Variants in DPF3 observed in about 807,000 individuals in gnomAD.
The protein encoded by DPF3 is zinc finger protein DPF3.
A neutral mutation model predicts 56.8 loss-of-function variants in DPF3; 18 were observed. That is an observed-to-expected ratio of 0.32 (90% CI 0.22 to 0.47). The LOEUF (loss-of-function observed/expected upper bound fraction) is 0.47. DPF3 is among the 20% of genes least tolerant of loss of function. The pLI, the probability that DPF3 is intolerant of heterozygous loss-of-function variation, is 1.00. For synonymous variants in DPF3, 188 were observed against 180.2 expected (o/e 1.04, Z -0.35); for missense variants, 403 against 488.8 (o/e 0.82, Z 1.65).
At chr14:72,789,152 A>C (rs1704221975) in intron 1 of DPF3, among the ~76,000 whole-genome samples, 1 of 152,188 alleles carries the variant, frequency 6.6e-6, no homozygotes, top group African/African-American at 2.4e-5. Context: ...TGGGTACTGC[A>C]TCCGTACTGA....
At chr14:72,644,366 A>C (rs1452415015) in intron 8 of DPF3, among the ~76,000 whole-genome samples, 1 of 152,234 alleles carries the variant, frequency 6.6e-6, no homozygotes, top group Non-Finnish European at 1.5e-5. Context: ...CCAAATTTTC[A>C]TCTAAGATTC....
intron 6 of DPF3, among the ~76,000 whole-genome samples, chr14:72,708,744 A>T (rs1010639139): frequency 6.6e-6 from 1 of 152,144 alleles, no homozygotes; most frequent in Non-Finnish European, 1.5e-5. Context: ...CAGTCAGCAG[A>T]TCCACCCATC....
chr14:72,876,471 C>G (rs945832738), intron 1 of DPF3, among the ~76,000 whole-genome samples: 2 of 152,058 alleles, frequency 1.3e-5, no homozygotes, highest in African/African-American at 4.8e-5. Flanking sequence ...ACTGCCAAAC[C>G]GGGACTCTGC....
Position 72,750,821 on chromosome 14 carries a change from G to A in DPF3, c.301+2443C>T, listed in dbSNP as rs989094712. On this transcript the variant is annotated intron_variant, in intron 3 of 10. Coordinates refer to ENST00000556509, the MANE Select transcript of DPF3 (RefSeq NM_001280542.3). The stretch of plus-strand genomic sequence containing the variant: ...AAAAAAAAAAAAAAAAAAAAAACCT[G>A]CTACCACTGATTACCTTTGGAGAGA... Among the ~76,000 whole-genome samples, 4 of 114,308 alleles carry A rather than the reference G, an allele frequency of 3.5e-5. No homozygotes were observed. The South Asian group carries it at 1.1e-3, about 32-fold the overall frequency. The allele number at this position is 114,308 out of a possible 152,430, so 75.0% of individuals were successfully genotyped here.
At chr14:72,692,048 C>T (rs1030760903) in intron 7 of DPF3, among the ~76,000 whole-genome samples, 1 of 152,174 alleles carries the variant, frequency 6.6e-6, no homozygotes, top group Non-Finnish European at 1.5e-5. Context: ...TGGTCTTGGC[C>T]ACAGGTGTGT....
Position 72,869,151 on chromosome 14 carries a change from A to T in DPF3, c.32+24906T>A, listed in dbSNP as rs199881195. Among the ~76,000 whole-genome samples, 3 of 152,292 alleles carry T rather than the reference A, an allele frequency of 2.0e-5. No homozygotes were observed. In the East Asian group the frequency reaches 5.8e-4, roughly 29 times the overall value. ...ACATGCTATTCCCTCTGCTGGGATC[A>T]AATGTTTCCTCTTCAAGGAAATTTT... is the stretch of plus-strand genomic sequence containing the variant. On this transcript the variant is annotated intron_variant, in intron 1 of 10. Transcript: ENST00000556509.
chr14:72,811,019 G>A (rs952961116), intron 1 of DPF3, among the ~76,000 whole-genome samples: 1 of 152,350 alleles, frequency 6.6e-6, no homozygotes, highest in Admixed American at 6.5e-5. Context: ...TGAGGCTTCA[G>A]GAAGCTACAA....
intron 8 of DPF3, among the ~76,000 whole-genome samples, chr14:72,630,203 G>A (rs1419535709): frequency 6.6e-6 from 1 of 152,140 alleles, no homozygotes; most frequent in Non-Finnish European, 1.5e-5. Flanking sequence ...GCTATCAGAA[G>A]GATTGTATGA....
At chr14:72,734,607 A>G (rs1426279581) in intron 3 of DPF3, among the ~76,000 whole-genome samples, 1 of 152,140 alleles carries the variant, frequency 6.6e-6, no homozygotes, top group African/African-American at 2.4e-5. Flanking sequence ...AATAAATCCT[A>G]TTTATTAGTG....
At chr14:72,862,205 AC>A (rs561834174) in intron 1 of DPF3, among the ~76,000 whole-genome samples, 1 of 151,458 alleles carries the variant, frequency 6.6e-6, no homozygotes, top group Non-Finnish European at 1.5e-5. Context: ...CAGTTCCCTA[AC>A]CCCCCCTGCA....
chr14:72,770,400 C>T (rs1891472675), intron 2 of DPF3, among the ~76,000 whole-genome samples: 1 of 152,166 alleles, frequency 6.6e-6, no homozygotes, highest in Admixed American at 6.5e-5. Flanking sequence ...ATGTAGGGTT[C>T]CCATTTGGAT....
chr14:72,838,595 G>T (rs550315295), intron 1 of DPF3, among the ~76,000 whole-genome samples: 2 of 151,934 alleles, frequency 1.3e-5, no homozygotes, highest in Admixed American at 1.3e-4. Context: ...AGTAACTCAC[G>T]CCTGTAATCC....
chr14:72,662,611 C>T (rs1886263414), intron 8 of DPF3: 1 of 985,204 alleles, frequency 1.0e-6, no homozygotes, highest in Non-Finnish European at 1.2e-6. Flanking sequence ...CAAACTGAGG[C>T]CATTCCCAAG....
At chr14:72,746,569 C>T (rs1158011877) in intron 3 of DPF3, among the ~76,000 whole-genome samples, 3 of 152,380 alleles carry the variant, frequency 2.0e-5, no homozygotes, top group Non-Finnish European at 2.9e-5. Flanking sequence ...GTGACAGTCA[C>T]GCATTCCAGC....
intron 9 of DPF3, 23 bp from the exon 10 acceptor site, chr14:72,620,007 C>A: frequency 6.6e-7 from 1 of 1,524,966 alleles, no homozygotes; most frequent in South Asian, 1.2e-5. Flanking sequence ...AGAGTAAGCA[C>A]AGAGGAGGAG....
chr14:72,692,509 G>A (rs530992362), intron 7 of DPF3, among the ~76,000 whole-genome samples: 101 of 152,214 alleles, frequency 6.6e-4, no homozygotes, highest in African/African-American at 1.7e-3. Context: ...CATCCCAAAC[G>A]ACAAATCCAC....
intron 8 of DPF3, 109 bp from the exon 9 acceptor site, chr14:72,629,845 G>T: frequency 1.1e-6 from 1 of 908,284 alleles, no homozygotes; most frequent in Non-Finnish European, 1.7e-6. Context: ...GGGCAGGGTA[G>T]CATGACGTAG....
intron 1 of DPF3, among the ~76,000 whole-genome samples, chr14:72,800,433 G>A (rs1282892676): frequency 6.6e-6 from 1 of 151,914 alleles, no homozygotes; most frequent in Non-Finnish European, 1.5e-5. Flanking sequence ...CGGACACATG[G>A]ATGGATGCAT....
chr14:72,811,809 T>C (rs142577276), intron 1 of DPF3, among the ~76,000 whole-genome samples: 6 of 152,234 alleles, frequency 3.9e-5, no homozygotes, highest in East Asian at 3.9e-4. Context: ...CCATCTCACA[T>C]TGAGATGGGA....
Sources: gnomAD v4.1 joint callset for allele counts (sites outside exome capture counted in the v4.1 genomes callset) on GRCh38, gnomAD v4.1.1 for gene constraint, MANE v1.5 for transcripts, NCBI Gene and HGNC (gene_info 2026-07-23, HGNC 2026-07-21) for gene names.